AFF3: variants seen among roughly 807,000 people sequenced by gnomAD.
The protein encoded by AFF3 is ALF transcription elongation factor 3, also known as AF4/FMR2 family member 3.
AFF3 carries 32 observed loss-of-function variants against 129.7 expected under a neutral mutation model. The observed-to-expected ratio is 0.25, with a 90% confidence interval of 0.19 to 0.33. AFF3 has a LOEUF of 0.33. AFF3 is among the 10% of genes least tolerant of loss of function. AFF3 has a pLI of 1.00. For synonymous variants in AFF3, 644 were observed against 635.4 expected (o/e 1.01, Z -0.20); for missense variants, 1,373 against 1,592.0 (o/e 0.86, Z 2.34).
chr2:99,994,273 T>C (rs369255821), intron 7 of AFF3, among the ~76,000 whole-genome samples: 1 of 152,146 alleles, frequency 6.6e-6, no homozygotes, highest in African/African-American at 2.4e-5. Context: ...ACGAATGATC[T>C]ATAAGAGCAA....
At chr2:99,798,374 C>T (rs1685696409) in intron 8 of AFF3, among the ~76,000 whole-genome samples, 1 of 151,808 alleles carries the variant, frequency 6.6e-6, no homozygotes, top group East Asian at 1.9e-4. Context: ...GCATTCAATG[C>T]TAACTGCATT....
At chr2:99,970,817 G>A (rs912558016) in intron 7 of AFF3, among the ~76,000 whole-genome samples, 1 of 152,162 alleles carries the variant, frequency 6.6e-6, no homozygotes, top group Non-Finnish European at 1.5e-5. Flanking sequence ...TGAAGACATG[G>A]GGGAGGCGTG....
At chr2:100,046,768 G>A (rs1431678214) in intron 4 of AFF3, among the ~76,000 whole-genome samples, 2 of 151,972 alleles carry the variant, frequency 1.3e-5, no homozygotes, top group Non-Finnish European at 2.9e-5. Context: ...TAAAATCTGG[G>A]CTCCAACCAG....
intron 8 of AFF3, among the ~76,000 whole-genome samples, chr2:99,779,908 T>C (rs1283449293): frequency 2.0e-5 from 3 of 152,206 alleles, no homozygotes; most frequent in African/African-American, 7.2e-5. Flanking sequence ...TCATTTGTGG[T>C]CTAAATAGTC....
intron 7 of AFF3, among the ~76,000 whole-genome samples, chr2:99,942,243 T>C (rs902529389): frequency 3.3e-5 from 5 of 152,150 alleles, no homozygotes; most frequent in African/African-American, 1.2e-4. Flanking sequence ...AACTGCTGTA[T>C]GAACAGTAAG....
chr2:99,546,032 G>T lies in AFF3; in HGVS notation c.*5442C>A. The T allele has an allele frequency of 4.4e-6, 1 of 225,418 alleles. No homozygotes were observed. The highest frequency in any genetic ancestry group is 8.8e-6 in the Non-Finnish European group (1 of 113,212). The allele number at this position is 225,418 out of a possible 1,614,324, so 14.0% of individuals were successfully genotyped here. On this transcript the variant is annotated 3_prime_UTR_variant, in exon 25 of 25. Transcript: ENST00000672756. The stretch of plus-strand genomic sequence containing the variant: ...ATATTGAAAAACTGTGCTCTTCTGA[G>T]AATGGGAAAATGAGGACATAAACTC...
rs554825655 is a variant in AFF3, at chr2:99,752,310, C to T, written c.922-9G>A. 4.2e-5 allele frequency: 67 copies of T among 1,611,908 alleles called. No individual in the cohort carries two copies. The highest frequency in any genetic ancestry group is 9.9e-5 in the South Asian group (9 of 90,962). On this transcript the variant is annotated splice_polypyrimidine_tract_variant and intron_variant, in intron 8 of 24. Transcript: ENST00000672756. ...GGAAGCCAGGTCATCTCCTGAAGGA[C>T]GGGATAAAAACAAACAATATTGTGA...
chr2:100,031,976 ACATATTGAAAGTATGT>A (rs768516504), intron 4 of AFF3, among the ~76,000 whole-genome samples: 89 of 152,376 alleles, frequency 5.8e-4, no homozygotes, highest in Non-Finnish European at 9.1e-4. Flanking sequence ...ATTGAGTGTT[ACATATTGAAAGTATGT>A]CATATTGAAA....
At chr2:99,826,272 C>T (rs1271977411) in intron 8 of AFF3, among the ~76,000 whole-genome samples, 1 of 152,162 alleles carries the variant, frequency 6.6e-6, no homozygotes, top group Non-Finnish European at 1.5e-5. Flanking sequence ...GCCTCGGCCT[C>T]CCAAATGCTG....
intron 8 of AFF3, among the ~76,000 whole-genome samples, chr2:99,808,481 TA>T (rs1686528089): frequency 6.6e-6 from 1 of 152,106 alleles, no homozygotes; most frequent in Non-Finnish European, 1.5e-5. Flanking sequence ...TGTATGAAAA[TA>T]CAGAGTGATG....
intron 7 of AFF3, among the ~76,000 whole-genome samples, chr2:99,894,499 C>T (rs1243306766): frequency 6.7e-6 from 1 of 150,034 alleles, no homozygotes; most frequent in Non-Finnish European, 1.5e-5. Flanking sequence ...GACGGAGTCT[C>T]GCTCTGTCGC....
intron 14 of AFF3, among the ~76,000 whole-genome samples, chr2:99,597,147 C>A (rs79861563): frequency 6.6e-6 from 1 of 152,188 alleles, no homozygotes. Flanking sequence ...CCGGGCTCTA[C>A]GGAGACTAAC....
intron 12 of AFF3, among the ~76,000 whole-genome samples, chr2:99,668,719 G>T (rs909681247): frequency 2.1e-5 from 3 of 141,720 alleles, no homozygotes; most frequent in African/African-American, 9.4e-5. Context: ...CATGCACCAC[G>T]CCTGGCTAAT....
intron 8 of AFF3, 129 bp from the exon 9 acceptor site, chr2:99,752,430 A>G: frequency 1.5e-6 from 1 of 665,942 alleles, no homozygotes; most frequent in East Asian, 2.9e-5. Context: ...AAAGGCTGAA[A>G]GAATTTTAAA....
chr2:99,657,380 T>C (rs771777698), intron 12 of AFF3, among the ~76,000 whole-genome samples: 5 of 152,220 alleles, frequency 3.3e-5, no homozygotes, highest in Non-Finnish European at 7.3e-5. Context: ...GAAGTAGCCC[T>C]GGATTCTAGT....
At chr2:100,091,433 C>T (rs1248541812) in intron 4 of AFF3, among the ~76,000 whole-genome samples, 1 of 143,960 alleles carries the variant, frequency 6.9e-6, no homozygotes, top group Non-Finnish European at 1.5e-5. Flanking sequence ...TAGACAAGCT[C>T]ACTAATTTTT....
intron 8 of AFF3, 84 bp from the exon 9 acceptor site, chr2:99,752,385 G>C (rs1194689832): frequency 8.8e-7 from 1 of 1,135,174 alleles, no homozygotes; most frequent in Non-Finnish European, 1.3e-6. Context: ...GTACAAGTGG[G>C]CCTTCATAAG....
chr2:100,029,688 T>C (rs1244936475), intron 4 of AFF3, among the ~76,000 whole-genome samples: 2 of 152,204 alleles, frequency 1.3e-5, no homozygotes, highest in African/African-American at 2.4e-5. Flanking sequence ...TGTTGTTTAA[T>C]AGATATAATT....
chr2:100,036,843 AAAAAG>A (rs1255774582), intron 4 of AFF3, among the ~76,000 whole-genome samples: 3 of 151,224 alleles, frequency 2.0e-5, no homozygotes, highest in South Asian at 2.1e-4. Context: ...AGAAAAAAAA[AAAAAG>A]AAAAGAAAAA....
Sources: gnomAD v4.1 joint callset for allele counts (sites outside exome capture counted in the v4.1 genomes callset) on GRCh38, gnomAD v4.1.1 for gene constraint, MANE v1.5 for transcripts, NCBI Gene and HGNC (gene_info 2026-07-23, HGNC 2026-07-21) for gene names.